CHD7: variants seen among roughly 807,000 people sequenced by gnomAD.
CHD7 encodes the protein ATP-dependent chromatin remodeler CHD7.
CHD7 carries 24 observed loss-of-function variants against 307.3 expected under a neutral mutation model. That is an observed-to-expected ratio of 0.08 (90% confidence interval 0.06 to 0.11). The LOEUF is 0.11. Among genes scored for constraint, CHD7 ranks in the 10% least tolerant of loss-of-function variants. The probability of loss-of-function intolerance (pLI) is 1.00; values close to 1 mark genes in which losing one functional copy is unlikely to be tolerated. For synonymous variants in CHD7, 1,363 were observed against 1,349.9 expected, an observed-to-expected ratio of 1.01 and a Z score of -0.21; for missense variants, 3,106 against 3,727.1, an observed-to-expected ratio of 0.83 and a Z score of 4.34.
In CHD7 at chr8:60,865,300, C is replaced by T. The variant is rs200792215; in HGVS notation, c.8361C>T (p.Gly2787=). The T allele has an allele frequency of 6.2e-5, 100 of 1,610,422 alleles. No homozygotes were observed. Among genetic ancestry groups the T allele is most frequent in the Admixed American group, 1.2e-4 (7 of 59,488 alleles). The change falls in exon 38 of 38, where the codon GGC becomes GGT. Residue 2787 remains glycine, a synonymous_variant. Coordinates refer to ENST00000423902, the MANE Select transcript of CHD7 (RefSeq NM_017780.4). The surrounding 1 kb of genome is among the most constrained non-coding windows in gnomAD (Gnocchi z 4.3). ...PGLATAATAG[G]DAKNPAAVLP... is the part of the protein sequence containing the mutation. ...TGGCAACAGCTGCCACCGCCGGAGG[C>T]GATGCGAAGAACCCTGCTGCTGTGC...
At chr8:60,762,872 A>G (rs556339167) in intron 2 of CHD7, among the ~76,000 whole-genome samples, 3 of 152,228 alleles carry the variant, frequency 2.0e-5, no homozygotes, top group East Asian at 1.9e-4. Flanking sequence ...TGGGGAGACA[A>G]TGGCATTCAG....
At chr8:60,695,956 G>A (rs745838486) in intron 1 of CHD7, among the ~76,000 whole-genome samples, 8 of 152,142 alleles carry the variant, frequency 5.3e-5, no homozygotes, top group Admixed American at 3.3e-4. Flanking sequence ...GGCCATTCCT[G>A]TGGTATCAGT....
At chr8:60,766,255 C>G (rs1470675835) in intron 2 of CHD7, among the ~76,000 whole-genome samples, 3 of 152,084 alleles carry the variant, frequency 2.0e-5, no homozygotes, top group Admixed American at 2.0e-4. Flanking sequence ...AGCTTGTTGT[C>G]TGCTGGTAAG....
chr8:60,789,261 C>T (rs1169893570), intron 3 of CHD7, among the ~76,000 whole-genome samples: 1 of 152,240 alleles, frequency 6.6e-6, no homozygotes, highest in African/African-American at 2.4e-5. Flanking sequence ...ACAAAAACAT[C>T]TCTTTTACTT....
In CHD7 at chr8:60,822,555, A is replaced by G; in HGVS notation, c.3010A>G (p.Ile1004Val). 1.2e-6 allele frequency: 2 copies of G among 1,613,724 alleles called. No individual in the cohort carries two copies. The highest frequency in any genetic ancestry group is 1.7e-6 in the Non-Finnish European group (2 of 1,179,634). ...GGGTTTGGGAAAAACTATCCAGTCC[A>G]TTACATTTCTCTATGAGATATATTT... ...EMGLGKTIQS[I>V]TFLYEIYLKG... is the part of the protein sequence containing the mutation. Residue 1004 changes from isoleucine to valine, a missense_variant, in exon 12 of 38, where the codon ATT (isoleucine) becomes GTT (valine). Physicochemically the swap from Ile to Val is conservative, Grantham distance 29. This residue lies in a region of CHD7 where 188 missense variants were observed against 261.7 expected (regional missense o/e 0.72). Coordinates refer to ENST00000423902, the MANE Select transcript of CHD7 (RefSeq NM_017780.4).
chr8:60,797,344 G>A (rs1812080981), intron 4 of CHD7, among the ~76,000 whole-genome samples: 1 of 152,196 alleles, frequency 6.6e-6, no homozygotes, highest in African/African-American at 2.4e-5. Context: ...CGTATCCACT[G>A]CTAACTAACC....
intron 2 of CHD7, among the ~76,000 whole-genome samples, chr8:60,761,499 T>TA (rs970781100): frequency 4.0e-5 from 6 of 151,680 alleles, no homozygotes; most frequent in Non-Finnish European, 5.9e-5. Context: ...TAATAATAAT[T>TA]AAAAAAAATA....
intron 1 of CHD7, among the ~76,000 whole-genome samples, chr8:60,694,378 A>G (rs1806352910): frequency 6.6e-6 from 1 of 152,228 alleles, no homozygotes; most frequent in Admixed American, 6.5e-5. Flanking sequence ...ACTTCTAGCT[A>G]GGTAGAGCAG....
At chr8:60,686,260 G>C (rs111432172) in intron 1 of CHD7, among the ~76,000 whole-genome samples, 4 of 152,020 alleles carry the variant, frequency 2.6e-5, no homozygotes, top group African/African-American at 9.7e-5. Context: ...AAAACTTGGT[G>C]CACTAACTTC....
intron 3 of CHD7, among the ~76,000 whole-genome samples, chr8:60,790,237 GT>G (rs1446155143): frequency 1.2e-4 from 19 of 152,244 alleles, no homozygotes; most frequent in African/African-American, 4.6e-4. Flanking sequence ...CTCATGAGTG[GT>G]TGGCTCCGTG....
chr8:60,847,309 G>A (rs990895918), intron 23 of CHD7, among the ~76,000 whole-genome samples: 5 of 152,286 alleles, frequency 3.3e-5, no homozygotes, highest in Admixed American at 2.0e-4. Flanking sequence ...TCCATACCCT[G>A]AGAACAGCAT....
chr8:60,686,638 C>A (rs758142367), intron 1 of CHD7, among the ~76,000 whole-genome samples: 1 of 152,182 alleles, frequency 6.6e-6, no homozygotes, highest in Non-Finnish European at 1.5e-5. Flanking sequence ...TAGCCATCTG[C>A]TGCTGAGCAG....
intron 2 of CHD7, among the ~76,000 whole-genome samples, chr8:60,745,277 T>C (rs1283871392): frequency 4.6e-5 from 7 of 152,202 alleles, no homozygotes; most frequent in Non-Finnish European, 8.8e-5. Context: ...CATTCCGACA[T>C]CCTCTGTCTT....
Position 60,830,364 on chromosome 8 carries a change from C to T in CHD7, c.3565C>T (p.Arg1189Cys). ...QAILKPMMLR[R>C]LKEDVEKNLA... ...TATTCTAAAGCCAATGATGTTGAGA[C>T]GTCTCAAAGAGGATGTAGAAAAGAA... Residue 1189 changes from arginine (R) to cysteine (C), a missense_variant, in exon 15 of 38, where the codon CGT becomes TGT. By Grantham distance (180) the Arg-to-Cys change is radical. Coordinates refer to ENST00000423902, the MANE Select transcript of CHD7 (RefSeq NM_017780.4). The T allele has an allele frequency of 6.2e-7, 1 of 1,613,800 alleles. No homozygotes were observed. The highest frequency in any genetic ancestry group is 1.1e-5 in the South Asian group (1 of 91,070).
intron 37 of CHD7, chr8:60,864,436 A>T (rs930318341): frequency 2.0e-5 from 3 of 152,980 alleles, no homozygotes; most frequent in Admixed American, 1.9e-4. Context: ...TGATGATTTG[A>T]TATAATTATA....
chr8:60,776,419 A>G (rs1251704830), intron 2 of CHD7, among the ~76,000 whole-genome samples: 5 of 152,182 alleles, frequency 3.3e-5, no homozygotes, highest in African/African-American at 1.2e-4. Context: ...CCTCCCTTAC[A>G]AAGCAGATTT....
rs368753931 is a variant in CHD7, at chr8:60,856,083, T to C, written c.7045T>C (p.Tyr2349His). The change falls in exon 33 of 38, where the codon TAC becomes CAC. Residue 2349 changes from tyrosine to histidine, a missense_variant. Around this residue, in one of 10 missense-constraint regions of CHD7, gnomAD observed 1,030 missense variants for 1,165.4 expected, o/e 0.88. Coordinates refer to ENST00000423902, the MANE Select transcript of CHD7 (RefSeq NM_017780.4). ...MFDFQGLIPGYTPTTVDSPLQ... is the reference protein window; with the variant it reads ...MFDFQGLIPGHTPTTVDSPLQ... ...TGATTTCCAAGGCCTCATCCCAGGT[T>C]ACACACCCACCACAGTGGACAGCCC... The C allele has an allele frequency of 3.1e-6, 5 of 1,611,696 alleles. No homozygotes were observed. Among genetic ancestry groups the C allele is most frequent in the Non-Finnish European group, 3.4e-6 (4 of 1,178,850 alleles).
intron 3 of CHD7, among the ~76,000 whole-genome samples, chr8:60,785,008 C>T (rs560315131): frequency 6.6e-6 from 1 of 152,146 alleles, no homozygotes; most frequent in Admixed American, 6.5e-5. Flanking sequence ...AAAATAACAG[C>T]GAAAACATTT....
At chr8:60,723,966 G>T (rs931745360) in intron 1 of CHD7, among the ~76,000 whole-genome samples, 1 of 152,180 alleles carries the variant, frequency 6.6e-6, no homozygotes, top group African/African-American at 2.4e-5. Context: ...GTCAGACCTG[G>T]GTCCTCACCT....
Sources: gnomAD v4.1 joint callset for allele counts (sites outside exome capture counted in the v4.1 genomes callset) on GRCh38, gnomAD v4.1.1 for gene constraint, gnomAD v4.1.1 regional missense constraint, Gnocchi (gnomAD v3.1) non-coding constraint, MANE v1.5 for transcripts, NCBI Gene and HGNC (gene_info 2026-07-23, HGNC 2026-07-21) for gene names.